The following SMYD3 variants were observed in gnomAD, a reference collection of about 807,000 sequenced individuals.
SMYD3 encodes the protein histone-lysine N-methyltransferase SMYD3.
A neutral mutation model predicts 57.7 loss-of-function variants in SMYD3; 36 were observed. The ratio of observed to expected loss-of-function variants is 0.62; its 90% CI spans 0.48 to 0.82. The LOEUF is 0.82. Ranked by LOEUF, SMYD3 falls within the 40% of genes least tolerant of loss-of-function variation. SMYD3 has a pLI of 0.00. For missense variants in SMYD3, 515 were observed against 538.8 expected (o/e 0.96, Z 0.44); for synonymous variants, 211 against 195.0 (o/e 1.08, Z -0.68).
chr1:246,351,141 T>C (rs1010745581), intron 2 of SMYD3, among the ~76,000 whole-genome samples: 2 of 152,194 alleles, frequency 1.3e-5, no homozygotes, highest in African/African-American at 2.4e-5. Flanking sequence ...GCATAAAATG[T>C]AAACCCAAAA....
At chr1:246,406,498 T>A (rs2066868400) in intron 1 of SMYD3, among the ~76,000 whole-genome samples, 1 of 152,214 alleles carries the variant, frequency 6.6e-6, no homozygotes, top group Non-Finnish European at 1.5e-5. Flanking sequence ...CCTTGTAGTT[T>A]AATAATTTCC....
At chr1:246,103,766 G>C (rs1428955158) in intron 5 of SMYD3, among the ~76,000 whole-genome samples, 1 of 152,146 alleles carries the variant, frequency 6.6e-6, no homozygotes, top group Non-Finnish European at 1.5e-5. Flanking sequence ...GCCTTATACT[G>C]TCTTGCTTCA....
intron 5 of SMYD3, among the ~76,000 whole-genome samples, chr1:245,939,162 TAAA>T (rs1312690587): frequency 2.8e-5 from 4 of 140,952 alleles, no homozygotes; most frequent in Non-Finnish European, 6.1e-5. Context: ...AATTAAAAAA[TAAA>T]AAAATTTAAA....
chr1:246,007,262 G>A (rs1470446750), intron 5 of SMYD3, among the ~76,000 whole-genome samples: 1 of 152,186 alleles, frequency 6.6e-6, no homozygotes. Flanking sequence ...TGGCCTTGTG[G>A]GAGGTTTCTA....
At chr1:245,806,707 G>A (rs994115075) in intron 10 of SMYD3, among the ~76,000 whole-genome samples, 1 of 151,516 alleles carries the variant, frequency 6.6e-6, no homozygotes, top group African/African-American at 2.4e-5. Context: ...TCAGGAGATG[G>A]AGACCATCCT....
chr1:245,872,014 A>G (rs2052221178), intron 8 of SMYD3, among the ~76,000 whole-genome samples: 1 of 152,138 alleles, frequency 6.6e-6, no homozygotes, highest in South Asian at 2.1e-4. Flanking sequence ...TAGTCATCCA[A>G]GCAAACTTCT....
At chr1:245,760,716 C>T (rs78781978) in intron 11 of SMYD3, among the ~76,000 whole-genome samples, 5,024 of 152,266 alleles carry the variant, frequency 0.033, 198 homozygotes, top group Admixed American at 0.11. Context: ...GGGATTCCCA[C>T]TCACCTTGGG....
chr1:245,835,407 C>T (rs1037811186), intron 10 of SMYD3, among the ~76,000 whole-genome samples: 4 of 152,040 alleles, frequency 2.6e-5, no homozygotes, highest in Admixed American at 1.3e-4. Context: ...CGTGAGCCAC[C>T]GTGCCCGGCC....
At chr1:246,009,682 C>T (rs1161207731) in intron 5 of SMYD3, among the ~76,000 whole-genome samples, 1 of 151,752 alleles carries the variant, frequency 6.6e-6, no homozygotes, top group Admixed American at 6.6e-5. Context: ...TCTTAGTATT[C>T]TCCTTATTTA....
intron 1 of SMYD3, among the ~76,000 whole-genome samples, chr1:246,506,422 A>C (rs994649436): frequency 6.6e-6 from 1 of 152,134 alleles, no homozygotes; most frequent in African/African-American, 2.4e-5. Flanking sequence ...TGATGCTCCC[A>C]CAGCACATTA....
rs138349523 is a variant in SMYD3 at position 246,418,691 on chromosome 1, C to G, written c.165-63597G>C. 5.5e-3 allele frequency among the ~76,000 whole-genome samples: 833 copies of G among 152,242 alleles called. 5 individuals are homozygous for G. Among genetic ancestry groups the G allele is most frequent in the Middle Eastern group, 0.01 (3 of 294 alleles). ...GGGGAGCCAGAAGGGAAATGGTTTT[C>G]TCCCGGAGTCGGGCGCTCGGTGACC... On this transcript the variant is annotated intron_variant, in intron 1 of 11. Coordinates refer to ENST00000490107, the MANE Select transcript of SMYD3 (RefSeq NM_001167740.2).
intron 5 of SMYD3, among the ~76,000 whole-genome samples, chr1:246,230,502 G>A (rs1156666733): frequency 1.3e-5 from 2 of 152,158 alleles, no homozygotes; most frequent in East Asian, 3.8e-4. Context: ...GCCAACTCTG[G>A]AGAGATCCAA....
At chr1:246,036,480 T>C (rs984439333) in intron 5 of SMYD3, among the ~76,000 whole-genome samples, 1 of 152,102 alleles carries the variant, frequency 6.6e-6, no homozygotes, top group Non-Finnish European at 1.5e-5. Context: ...CTTCATTTTT[T>C]ACACAAATAA....
chr1:245,935,752 G>A (rs1009554138), intron 5 of SMYD3, among the ~76,000 whole-genome samples: 5 of 152,128 alleles, frequency 3.3e-5, no homozygotes, highest in African/African-American at 9.7e-5. Context: ...TGAACCTGGA[G>A]GACAGTATGT....
intron 5 of SMYD3, among the ~76,000 whole-genome samples, chr1:246,114,402 CG>C (rs1330123359): frequency 6.6e-6 from 1 of 152,186 alleles, no homozygotes; most frequent in Non-Finnish European, 1.5e-5. Flanking sequence ...GGCCAGCCCC[CG>C]ATGGGGGAGA....
chr1:245,860,173 C>T (rs565180734), intron 9 of SMYD3, among the ~76,000 whole-genome samples: 246 of 152,146 alleles, frequency 1.6e-3, no homozygotes, highest in African/African-American at 5.5e-3. Context: ...CCCCCACACC[C>T]CTCCCACTCC....
In SMYD3 at chr1:246,494,759, G is replaced by C. The variant is rs531679609; in HGVS notation, c.164+12295C>G. Among the ~76,000 whole-genome samples the C allele has an allele frequency of 1.3e-4, 20 of 152,336 alleles. No individual in the cohort carries two copies. In the East Asian group the frequency reaches 3.5e-3, roughly 26 times the overall value. On this transcript the variant is annotated intron_variant, in intron 1 of 11. Transcript: ENST00000490107. ...AATTTTTATATACTCAAATTCATTT[G>C]TGAGAAACATCTATCATAACCATGC...
intron 1 of SMYD3, among the ~76,000 whole-genome samples, chr1:246,491,079 A>T (rs1294186702): frequency 6.6e-6 from 1 of 152,224 alleles, no homozygotes; most frequent in Non-Finnish European, 1.5e-5. Flanking sequence ...CAACTCACAT[A>T]ACTCATAAAG....
At chr1:246,398,902 A>G (rs2066719442) in intron 1 of SMYD3, among the ~76,000 whole-genome samples, 1 of 152,232 alleles carries the variant, frequency 6.6e-6, no homozygotes, top group African/African-American at 2.4e-5. Context: ...TCTTTCTACT[A>G]TTAATAAAAA....
Sources: gnomAD v4.1 joint callset for allele counts (sites outside exome capture counted in the v4.1 genomes callset) on GRCh38, gnomAD v4.1.1 for gene constraint, MANE v1.5 for transcripts, NCBI Gene and HGNC (gene_info 2026-07-23, HGNC 2026-07-21) for gene names.